NUP85: variants seen among roughly 807,000 people sequenced by gnomAD.
NUP85 encodes the protein nuclear pore complex protein Nup85.
In NUP85, 23 loss-of-function variants were observed where a neutral mutation model predicts 92.8. The ratio of observed to expected loss-of-function variants is 0.25; its 90% CI spans 0.18 to 0.35. NUP85 has a LOEUF of 0.35. Among genes scored for constraint, NUP85 ranks in the 10% least tolerant of loss-of-function variants. The pLI, the probability that NUP85 is intolerant of heterozygous loss-of-function variation, is 1.00. For missense variants in NUP85, 759 were observed against 822.8 expected (o/e 0.92, Z 0.95); for synonymous variants, 314 against 306.9 (o/e 1.02, Z -0.24).
In NUP85 at chr17:75,218,280, A is replaced by G. The variant is rs1188045794; in HGVS notation, c.571A>G (p.Ser191Gly). ...AGATGTTCTGGGCAGTGAGAATCCA[A>G]GCAAACATGACAGCTTCTGGAACTT... ...SADVLGSENP[S>G]KHDSFWNLVT... Residue 191 changes from serine (S) to glycine (G), a missense_variant, in exon 7 of 19, where the codon AGC (serine) becomes GGC (glycine). Transcript: ENST00000245544. 6.2e-7 allele frequency: 1 copy of G among 1,613,774 alleles called. No individual in the cohort carries two copies. Among genetic ancestry groups the G allele is most frequent in the South Asian group, 1.1e-5 (1 of 91,080 alleles).
At chr17:75,228,593 G>A (rs2075914912) in intron 11 of NUP85, 1 of 985,454 alleles carries the variant, frequency 1.0e-6, no homozygotes. Context: ...GTTTTCTCAT[G>A]GGATGTATCA....
rs751713241 is a variant in NUP85, at chr17:75,218,175, C to T, written c.476-10C>T. On this transcript the variant is annotated splice_polypyrimidine_tract_variant and intron_variant, in intron 6 of 18. Transcript: ENST00000245544. Reference sequence around the variant, plus strand: ...AGGCTTTTGTGTGTGATGAGAGTCTCTCCTCCCAGCTGGCCCTCTCCTCCT... The same window carrying T: ...AGGCTTTTGTGTGTGATGAGAGTCTTTCCTCCCAGCTGGCCCTCTCCTCCT... The T allele has an allele frequency of 4.0e-5, 64 of 1,613,680 alleles. No homozygotes were observed. The highest frequency in any genetic ancestry group is 5.2e-5 in the Non-Finnish European group (61 of 1,179,796).
At position 75,211,465 on chromosome 17, in the gene NUP85, C is replaced by T. The variant is rs535143618; in HGVS notation, c.291-527C>T. Reference sequence around the variant, plus strand: ...TTTTTCAGATGGAGTCTCACTCTGTCGCCCAGGCTGGAGTGCAATGGCATG... The same window carrying T: ...TTTTTCAGATGGAGTCTCACTCTGTTGCCCAGGCTGGAGTGCAATGGCATG... On this transcript the variant is annotated intron_variant, in intron 3 of 18. Transcript: ENST00000245544. Among the ~76,000 whole-genome samples the T allele has an allele frequency of 4.5e-4, 67 of 149,208 alleles. No homozygotes were observed. The East Asian group carries it at 8.1e-3, about 18-fold the overall frequency.
At chr17:75,206,807 C>G (rs370594093) in intron 1 of NUP85, among the ~76,000 whole-genome samples, 32 of 151,946 alleles carry the variant, frequency 2.1e-4, no homozygotes, top group African/African-American at 5.6e-4. Flanking sequence ...ACACCATTCT[C>G]CTGCCTCAGC....
rs1456323218 is a variant in NUP85 at position 75,225,366 on chromosome 17, G to A, written c.757G>A (p.Glu253Lys). Reference protein sequence around the residue: ...LSPGNTQTLTELELKWQHWHE... With the variant: ...LSPGNTQTLTKLELKWQHWHE... Reference sequence around the variant, plus strand: ...GCCCGGGAACACCCAGACACTGACAGAGCTGGAGCTGAAGTGGCAGCACTG... The same window carrying A: ...GCCCGGGAACACCCAGACACTGACAAAGCTGGAGCTGAAGTGGCAGCACTG... The change falls in exon 9 of 19, where the codon GAG becomes AAG. Residue 253 changes from glutamate to lysine, a missense_variant. Glu to Lys is a moderately conservative substitution (Grantham distance 56). Coordinates refer to ENST00000245544, the MANE Select transcript of NUP85 (RefSeq NM_024844.5). The A allele has an allele frequency of 6.2e-7, 1 of 1,614,244 alleles. No individual in the cohort carries two copies. Among genetic ancestry groups the A allele is most frequent in the Admixed American group, 1.7e-5 (1 of 60,026 alleles).
chr17:75,211,327 A>C (rs2075252894), intron 3 of NUP85, among the ~76,000 whole-genome samples: 1 of 151,556 alleles, frequency 6.6e-6, no homozygotes, highest in African/African-American at 2.4e-5. Flanking sequence ...AAGGGACTCT[A>C]GTGGAGAATA....
chr17:75,232,924 C>T lies in NUP85; in HGVS notation c.1470C>T (p.Ser490=). 6.2e-7 allele frequency: 1 copy of T among 1,614,250 alleles called. No homozygotes were observed. Among genetic ancestry groups the T allele is most frequent in the Non-Finnish European group, 8.5e-7 (1 of 1,180,042 alleles). ...GCCTGGGTTCTGCCCTCTCTTGGAGCATCCGTGCTAAGGATGCCGCCTTTG... is the reference window on the plus strand; with the variant it reads ...GCCTGGGTTCTGCCCTCTCTTGGAGTATCCGTGCTAAGGATGCCGCCTTTG... ...NNRLGSALSW[S]IRAKDAAFAT... The change falls in exon 15 of 19, where the codon AGC becomes AGT. Residue 490 remains serine, a synonymous_variant. Transcript: ENST00000245544.
rs778956278 is a variant in NUP85 at position 75,235,690 on chromosome 17, A to C, written c.*11A>C. 4 of 1,578,274 alleles carry C rather than the reference A, an allele frequency of 2.5e-6. No individual in the cohort carries two copies. In the East Asian group the frequency reaches 9.0e-5, roughly 35 times the overall value. ...CTGGAAGGTTCCTGAGAACTGCTTC[A>C]ATGTGGTATCTTTGTATGGCAATGT... On this transcript the variant is annotated 3_prime_UTR_variant, in exon 19 of 19. Transcript: ENST00000245544.
intron 6 of NUP85, among the ~76,000 whole-genome samples, chr17:75,217,885 G>A (rs2075480353): frequency 6.6e-6 from 1 of 152,172 alleles, no homozygotes; most frequent in African/African-American, 2.4e-5. Context: ...CATTACTTAT[G>A]TAGCTATTAA....
intron 1 of NUP85, 134 bp from the exon 2 acceptor site, chr17:75,208,393 T>G: frequency 8.0e-5 from 53 of 663,530 alleles, no homozygotes; most frequent in East Asian, 1.3e-4. Flanking sequence ...TGGAGCAAGC[T>G]GAGATTACAC....
At position 75,226,168 on chromosome 17, in the gene NUP85, T is replaced by G; in HGVS notation, c.1094+11T>G. 6.2e-7 allele frequency: 1 copy of G among 1,605,960 alleles called. No homozygotes were observed. Among genetic ancestry groups the G allele is most frequent in the African/African-American group, 1.3e-5 (1 of 74,806 alleles). On this transcript the variant is annotated intron_variant, in intron 11 of 18. Transcript: ENST00000245544. ...AATCAAAGAGTGCAGGTAGGATCTCTCCCACCCCCCACTGTAACCATTTTT... is the reference window on the plus strand; with the variant it reads ...AATCAAAGAGTGCAGGTAGGATCTCGCCCACCCCCCACTGTAACCATTTTT...
intron 18 of NUP85, 140 bp downstream of exon 18, chr17:75,235,341 C>A (rs1166269164): frequency 1.6e-6 from 1 of 635,004 alleles, no homozygotes; most frequent in Admixed American, 3.0e-5. Context: ...GTAATTCACA[C>A]ACCACCTTCT....
At chr17:75,220,398 C>G (rs1322103266) in intron 7 of NUP85, among the ~76,000 whole-genome samples, 1 of 151,716 alleles carries the variant, frequency 6.6e-6, no homozygotes, top group Non-Finnish European at 1.5e-5. Flanking sequence ...GCTGGGATTA[C>G]CAGCATGAGC....
intron 7 of NUP85, among the ~76,000 whole-genome samples, chr17:75,220,157 C>T (rs756680017): frequency 2.0e-5 from 3 of 152,126 alleles, no homozygotes; most frequent in Non-Finnish European, 4.4e-5. Context: ...CAGAGTCTCT[C>T]TCTGTCACCT....
chr17:75,210,285 A>G (rs1394291200), intron 3 of NUP85, among the ~76,000 whole-genome samples: 3 of 152,158 alleles, frequency 2.0e-5, no homozygotes, highest in African/African-American at 7.2e-5. Flanking sequence ...ATGAGGTCAC[A>G]TTGTTGGGAG....
chr17:75,214,847 ACT>A (rs1318542105), intron 5 of NUP85, among the ~76,000 whole-genome samples: 3 of 95,246 alleles, frequency 3.1e-5, no homozygotes, highest in Non-Finnish European at 6.8e-5. Flanking sequence ...ACAGAGTGAG[ACT>A]CTGTCTCAAA....
intron 11 of NUP85, among the ~76,000 whole-genome samples, chr17:75,230,828 G>C (rs1228122415): frequency 6.6e-6 from 1 of 152,070 alleles, no homozygotes; most frequent in African/African-American, 2.4e-5. Flanking sequence ...GCTGAGGCAT[G>C]AGAATTGCTT....
chr17:75,233,437 C>CTTTTTTTTTTTTTTTTTTTTTTTCT (rs60396796), intron 16 of NUP85, among the ~76,000 whole-genome samples: 1 of 117,186 alleles, frequency 8.5e-6, no homozygotes, highest in African/African-American at 3.5e-5. Flanking sequence ...TTTATTTTTT[C>CTTTTTTTTTTTTTTTTTTTTTTTCT]TTTTTTTTTT....
At chr17:75,233,437 CTT>C (rs60396796) in intron 16 of NUP85, among the ~76,000 whole-genome samples, 4 of 117,174 alleles carry the variant, frequency 3.4e-5, no homozygotes, top group African/African-American at 1.0e-4. Flanking sequence ...TTTATTTTTT[CTT>C]TTTTTTTTTT....
Sources: allele counts gnomAD v4.1 joint callset (sites outside exome capture counted in the v4.1 genomes callset), GRCh38; gene constraint gnomAD v4.1.1; transcripts MANE v1.5; gene names NCBI Gene and HGNC (gene_info 2026-07-23, HGNC 2026-07-21).